The following ENTREP2 variants were observed in gnomAD, a reference collection of about 807,000 sequenced individuals.
The protein encoded by ENTREP2 is protein ENTREP2.
chr15:29,428,435 G>A, the ENTREP2 span, among the ~76,000 whole-genome samples: 6 of 151,962 alleles, frequency 3.9e-5, no homozygotes, highest in Non-Finnish European at 7.4e-5. Flanking sequence ...GGCTGGTCTT[G>A]AACTCCTGAC....
At chr15:29,568,233 A>T in the ENTREP2 span, among the ~76,000 whole-genome samples, 1 of 152,204 alleles carries the variant, frequency 6.6e-6, no homozygotes, top group African/African-American at 2.4e-5. Flanking sequence ...CCATGAAAAA[A>T]CAGACAGGAG....
the ENTREP2 span, among the ~76,000 whole-genome samples, chr15:29,299,753 C>T: frequency 1.3e-5 from 2 of 152,178 alleles, no homozygotes; most frequent in African/African-American, 4.8e-5. Flanking sequence ...ATGTAAGCTT[C>T]ATGAGGCAGG....
At chr15:29,218,629 T>C in the ENTREP2 span, among the ~76,000 whole-genome samples, 2 of 152,002 alleles carry the variant, frequency 1.3e-5, no homozygotes, top group African/African-American at 2.4e-5. Flanking sequence ...CACAGACCAA[T>C]GGAATAGAAT....
chr15:29,261,813 A>C, the ENTREP2 span, among the ~76,000 whole-genome samples: 3 of 152,140 alleles, frequency 2.0e-5, no homozygotes. Context: ...GAATATAACA[A>C]AAATACATCT....
At chr15:29,124,276 C>T in the ENTREP2 span, among the ~76,000 whole-genome samples, 15 of 152,216 alleles carry the variant, frequency 9.9e-5, no homozygotes, top group Admixed American at 7.9e-4. Context: ...TGGCGAGGGA[C>T]GCCAACAAGG....
chr15:29,507,016 C>T, the ENTREP2 span, among the ~76,000 whole-genome samples: 6 of 152,148 alleles, frequency 3.9e-5, no homozygotes, highest in South Asian at 1.2e-3. Flanking sequence ...AGACCCATCT[C>T]ACATGCAAAG....
the ENTREP2 span, chr15:29,136,371 T>A: frequency 6.7e-7 from 1 of 1,503,044 alleles, no homozygotes; most frequent in Non-Finnish European, 8.8e-7. Context: ...CTCACCTGGC[T>A]GGCAGGGGGC....
At chr15:29,366,417 C>A in the ENTREP2 span, among the ~76,000 whole-genome samples, 2 of 152,072 alleles carry the variant, frequency 1.3e-5, no homozygotes, top group African/African-American at 4.8e-5. Context: ...ATTTTTTTAT[C>A]AGCTTTATTG....
chr15:29,490,971 G>A, the ENTREP2 span, among the ~76,000 whole-genome samples: 1 of 152,318 alleles, frequency 6.6e-6, no homozygotes, highest in South Asian at 2.1e-4. Context: ...CAGCACGGGA[G>A]CCCACTGCAG....
chr15:29,317,322 C>G, the ENTREP2 span, among the ~76,000 whole-genome samples: 1 of 152,170 alleles, frequency 6.6e-6, no homozygotes, highest in Non-Finnish European at 1.5e-5. Flanking sequence ...ACATATTCTG[C>G]CTACTGTTTC....
At chr15:29,124,322 A>G in the ENTREP2 span, among the ~76,000 whole-genome samples, 3 of 152,226 alleles carry the variant, frequency 2.0e-5, no homozygotes, top group Non-Finnish European at 4.4e-5. Flanking sequence ...CCTGAGCTTC[A>G]CGCCACACAA....
chr15:29,235,040 C>T, the ENTREP2 span: 1 of 1,172,910 alleles, frequency 8.5e-7, no homozygotes, highest in East Asian at 2.3e-5. Flanking sequence ...TTCTCTTCTT[C>T]CCAGGTAGTG....
the ENTREP2 span, among the ~76,000 whole-genome samples, chr15:29,507,082 CA>C: frequency 0.069 from 10,258 of 148,626 alleles, 471 homozygotes; most frequent in South Asian, 0.12. Flanking sequence ...AAATGGAAAG[CA>C]AAAAAAAAGC....
the ENTREP2 span, among the ~76,000 whole-genome samples, chr15:29,539,893 T>C: frequency 1.3e-5 from 2 of 152,182 alleles, no homozygotes; most frequent in African/African-American, 4.8e-5. Context: ...CCTCACACCA[T>C]GCCAGGGCTG....
chr15:29,347,420 G>A, the ENTREP2 span, among the ~76,000 whole-genome samples: 21 of 151,690 alleles, frequency 1.4e-4, no homozygotes, highest in African/African-American at 1.2e-4. Context: ...TCCTCCCACC[G>A]CAGACTCCCA....
chr15:29,440,885 C>A, the ENTREP2 span, among the ~76,000 whole-genome samples: 21,965 of 152,224 alleles, frequency 0.14, 1,735 homozygotes, highest in African/African-American at 0.2. Context: ...GCCACACTGT[C>A]TCCCCATCCC....
the ENTREP2 span, among the ~76,000 whole-genome samples, chr15:29,451,072 A>G: frequency 2.0e-5 from 3 of 152,212 alleles, no homozygotes; most frequent in Non-Finnish European, 4.4e-5. Context: ...ATTTACCTGT[A>G]TAACAAACCT....
the ENTREP2 span, among the ~76,000 whole-genome samples, chr15:29,368,413 T>C: frequency 3.3e-5 from 5 of 150,774 alleles, no homozygotes; most frequent in Non-Finnish European, 5.9e-5. Flanking sequence ...CACACACACA[T>C]ATATGACCCC....
At chr15:29,371,058 C>T in the ENTREP2 span, among the ~76,000 whole-genome samples, 1 of 152,100 alleles carries the variant, frequency 6.6e-6, no homozygotes, top group South Asian at 2.1e-4. Flanking sequence ...CATCTGTCAT[C>T]ATCATCATTT....
Sources: allele counts gnomAD v4.1 joint callset (sites outside exome capture counted in the v4.1 genomes callset), GRCh38; gene constraint gnomAD v4.1.1; transcripts MANE v1.5; gene names NCBI Gene and HGNC (gene_info 2026-07-23, HGNC 2026-07-21).